NCOA3: variants seen among roughly 807,000 people sequenced by gnomAD.
NCOA3 encodes the protein nuclear receptor coactivator 3.
Under a neutral mutation model 158.8 loss-of-function variants are expected in NCOA3, and 51 were observed. That is an observed-to-expected ratio of 0.32 (90% CI 0.26 to 0.41). The LOEUF is 0.41. Ranked by LOEUF, NCOA3 falls within the 10% of genes least tolerant of loss-of-function variation. The pLI is 1.00. For missense variants in NCOA3, 1,510 were observed against 1,746.6 expected (o/e 0.86, Z 2.41); for synonymous variants, 537 against 592.4 (o/e 0.91, Z 1.36).
rs1363483692 is a variant in NCOA3, at chr20:47,655,628, C to T, written c.*2211C>T. On this transcript the variant is annotated 3_prime_UTR_variant, in exon 23 of 23. Coordinates refer to ENST00000371998, the MANE Select transcript of NCOA3 (RefSeq NM_181659.3). ...TGGCCTGTGCTTTTCAGATAGTATA[C>T]TCTCCTGTTTGGAGACAGAGGAAGA... The T allele has an allele frequency of 6.6e-6, 1 of 152,538 alleles. No homozygotes were observed. The highest frequency in any genetic ancestry group is 1.5e-5 in the Non-Finnish European group (1 of 68,038). 9.4% of individuals were successfully genotyped at this position (152,538 alleles called of 1,614,324 possible).
intron 8 of NCOA3, among the ~76,000 whole-genome samples, chr20:47,629,212 C>A (rs1377347756): frequency 1.3e-5 from 2 of 152,076 alleles, no homozygotes; most frequent in African/African-American, 4.8e-5. Context: ...GTCATTCAAT[C>A]ATTTTATGCC....
intron 2 of NCOA3, among the ~76,000 whole-genome samples, chr20:47,594,502 A>T (rs1221699625): frequency 6.6e-6 from 1 of 151,430 alleles, no homozygotes; most frequent in Non-Finnish European, 1.5e-5. Flanking sequence ...GTCTCTACTA[A>T]AAATACAAAA....
At position 47,642,268 on chromosome 20, in the gene NCOA3, G is replaced by C. The variant is rs779213956; in HGVS notation, c.3136G>C (p.Gly1046Arg). 6.8e-6 allele frequency: 11 copies of C among 1,612,234 alleles called. No homozygotes were observed. In the South Asian group the frequency reaches 1.2e-4, roughly 18 times the overall value. The change falls in exon 17 of 23, where the codon GGC (glycine) becomes CGC (arginine). Residue 1046 changes from glycine to arginine, a missense_variant. Gly to Arg is a moderately radical substitution (Grantham distance 125). Around this residue, in one of 4 missense-constraint regions of NCOA3, gnomAD observed 1,017 missense variants for 1,098.3 expected, o/e 0.93. Transcript: ENST00000371998. ...TGTTGGGCCACCTTCCAACCTGGAA[G>C]GCCAGAGTGACGAAAGAGCATTATT... The part of the protein sequence containing the change: ...DLVGPPSNLE[G>R]QSDERALLDQ...
At chr20:47,624,328 G>GCT (rs2086287950) in intron 4 of NCOA3, among the ~76,000 whole-genome samples, 1 of 152,172 alleles carries the variant, frequency 6.6e-6, no homozygotes, top group Non-Finnish European at 1.5e-5. Context: ...TTGTTTTCCT[G>GCT]CAGCTAGATG....
At chr20:47,600,433 C>T (rs1443677876) in intron 2 of NCOA3, among the ~76,000 whole-genome samples, 1 of 152,000 alleles carries the variant, frequency 6.6e-6, no homozygotes, top group Non-Finnish European at 1.5e-5. Context: ...GCCTCGGCCT[C>T]CCAAAGTGGT....
At chr20:47,629,210 A>G (rs947600377) in intron 8 of NCOA3, among the ~76,000 whole-genome samples, 1 of 152,224 alleles carries the variant, frequency 6.6e-6, no homozygotes, top group East Asian at 1.9e-4. Flanking sequence ...CAGTCATTCA[A>G]TCATTTTATG....
intron 3 of NCOA3, chr20:47,623,007 C>T (rs1208909160): frequency 1.3e-5 from 2 of 152,076 alleles, no homozygotes; most frequent in African/African-American, 2.4e-5. Flanking sequence ...GTCTCAGAGG[C>T]CTGACAGTTA....
intron 1 of NCOA3, among the ~76,000 whole-genome samples, chr20:47,573,275 C>T (rs2085322440): frequency 6.6e-6 from 1 of 152,066 alleles, no homozygotes; most frequent in South Asian, 2.1e-4. Context: ...CGCCTATAAC[C>T]CCAGCTACTC....
At chr20:47,511,550 T>TATATATATATACATACATAC in intron 1 of NCOA3, among the ~76,000 whole-genome samples, 10 of 52,258 alleles carry the variant, frequency 1.9e-4, no homozygotes, top group South Asian at 9.4e-4. Context: ...TATATATATA[T>TATATATATATACATACATAC]ATATATTTCT....
intron 1 of NCOA3, among the ~76,000 whole-genome samples, chr20:47,533,010 G>A (rs1206297056): frequency 6.7e-6 from 1 of 149,894 alleles, no homozygotes; most frequent in Non-Finnish European, 1.5e-5. Context: ...GGAGGCTGAG[G>A]CAGAGAATTG....
intron 8 of NCOA3, among the ~76,000 whole-genome samples, chr20:47,629,127 ATGTG>A (rs1231725324): frequency 6.6e-6 from 1 of 152,190 alleles, no homozygotes; most frequent in Non-Finnish European, 1.5e-5. Context: ...TTACATATGT[ATGTG>A]TGTGTTTGTA....
At chr20:47,569,775 C>T (rs1461164058) in intron 1 of NCOA3, among the ~76,000 whole-genome samples, 1 of 151,992 alleles carries the variant, frequency 6.6e-6, no homozygotes, top group African/African-American at 2.4e-5. Context: ...CTTTGGGAGG[C>T]CGAGGAGGGC....
At position 47,525,671 on chromosome 20, in the gene NCOA3, C is replaced by G. The variant is rs1209244185; in HGVS notation, c.-99+23652C>G. ...CTGGCCGGACGGGGGGGCTGACCCCCCCCACCTCCCTCCCGGACGGGGCGG... is the reference window on the plus strand; with the variant it reads ...CTGGCCGGACGGGGGGGCTGACCCCGCCCACCTCCCTCCCGGACGGGGCGG... On this transcript the variant is annotated intron_variant, in intron 1 of 22. Transcript: ENST00000371998. Among the ~76,000 whole-genome samples, 509 of 140,228 alleles carry G rather than the reference C, an allele frequency of 3.6e-3. 3 individuals carry two copies. Among genetic ancestry groups the G allele is most frequent in the Non-Finnish European group, 6.8e-3 (439 of 64,154 alleles). 92.0% of individuals were successfully genotyped at this position (140,228 alleles called of 152,430 possible).
intron 2 of NCOA3, among the ~76,000 whole-genome samples, chr20:47,592,883 C>G (rs140714293): frequency 6.6e-6 from 1 of 152,184 alleles, no homozygotes; most frequent in African/African-American, 2.4e-5. Flanking sequence ...TGACATTCCT[C>G]CAGCAGTGAA....
chr20:47,643,815 A>T (rs1341895202), intron 17 of NCOA3, among the ~76,000 whole-genome samples: 1 of 151,204 alleles, frequency 6.6e-6, no homozygotes, highest in Non-Finnish European at 1.5e-5. Flanking sequence ...AAATAATTAT[A>T]TACTTTTGAA....
At chr20:47,647,929 T>C (rs2086718179) in intron 18 of NCOA3, among the ~76,000 whole-genome samples, 1 of 150,766 alleles carries the variant, frequency 6.6e-6, no homozygotes. Flanking sequence ...GTTTTTTTTT[T>C]TTTGAGGTGG....
intron 8 of NCOA3, chr20:47,628,349 A>G (rs554914778): frequency 9.3e-6 from 2 of 213,952 alleles, no homozygotes; most frequent in African/African-American, 2.3e-5. Context: ...CCCATTTGTC[A>G]TAAAGAAACA....
chr20:47,599,012 T>C (rs1441802167), intron 2 of NCOA3, among the ~76,000 whole-genome samples: 1 of 152,234 alleles, frequency 6.6e-6, no homozygotes, highest in Non-Finnish European at 1.5e-5. Flanking sequence ...TATATTAACA[T>C]GCAGTATAGG....
chr20:47,542,009 G>GTTTTTTTGCTTTTTTTTTTTTTTTTTTT (rs71183262), intron 1 of NCOA3, among the ~76,000 whole-genome samples: 1 of 56,318 alleles, frequency 1.8e-5, no homozygotes. Context: ...GCCCTGTAGA[G>GTTTTTTTGCTTTTTTTTTTTTTTTTTTT]TTTTTTTTTT....
Sources: allele counts gnomAD v4.1 joint callset (sites outside exome capture counted in the v4.1 genomes callset), GRCh38; gene constraint gnomAD v4.1.1; regional missense constraint gnomAD v4.1.1; transcripts MANE v1.5; gene names NCBI Gene and HGNC (gene_info 2026-07-23, HGNC 2026-07-21).